MAGI2: variants seen among roughly 807,000 people sequenced by gnomAD.
The protein encoded by MAGI2 is membrane associated guanylate kinase, WW and PDZ domain containing 2.
In MAGI2, 35 loss-of-function variants were observed where a neutral mutation model predicts 133.3. The ratio of observed to expected loss-of-function variants is 0.26; its 90% CI spans 0.20 to 0.35. The LOEUF (loss-of-function observed/expected upper bound fraction) is 0.35, where lower values mean the gene tolerates loss of function less well. MAGI2 is among the 10% of genes least tolerant of loss of function. The pLI is 1.00. For synonymous variants in MAGI2, 729 were observed against 710.6 expected, an observed-to-expected ratio of 1.03 and a Z score of -0.41; for missense variants, 1,636 against 1,863.4, an observed-to-expected ratio of 0.88 and a Z score of 2.25.
intron 1 of MAGI2, among the ~76,000 whole-genome samples, chr7:79,171,760 A>ATTTTT (rs1221031678): frequency 6.2e-5 from 2 of 32,284 alleles, no homozygotes; most frequent in African/African-American, 1.5e-4. Context: ...ATATATATAT[A>ATTTTT]TATATATATA....
At chr7:78,559,136 CAAAAAAAAAAAAAAAA>C (rs71085541) in intron 3 of MAGI2, among the ~76,000 whole-genome samples, 31 of 54,748 alleles carry the variant, frequency 5.7e-4, no homozygotes, top group African/African-American at 2.2e-3. Context: ...TCTGAATTTC[CAAAAAAAAAAAAAAAA>C]AAAAAAAAAA....
At chr7:78,716,367 A>G (rs1252151847) in intron 2 of MAGI2, among the ~76,000 whole-genome samples, 2 of 152,212 alleles carry the variant, frequency 1.3e-5, no homozygotes, top group Non-Finnish European at 2.9e-5. Flanking sequence ...TCAGGAAAAT[A>G]TCTTGATAAG....
intron 2 of MAGI2, among the ~76,000 whole-genome samples, chr7:78,700,833 C>T (rs1817991095): frequency 6.6e-6 from 1 of 151,750 alleles, no homozygotes. Context: ...TGTATAGATT[C>T]AACTTCTCTT....
intron 1 of MAGI2, among the ~76,000 whole-genome samples, chr7:79,318,771 A>G (rs1244350528): frequency 1.3e-5 from 2 of 152,252 alleles, no homozygotes; most frequent in African/African-American, 4.8e-5. Context: ...ATAATTAAAC[A>G]AATTTGCTGT....
chr7:78,814,530 T>G (rs571058142), intron 2 of MAGI2, among the ~76,000 whole-genome samples: 1 of 152,202 alleles, frequency 6.6e-6, no homozygotes, highest in Admixed American at 6.5e-5. Flanking sequence ...AAAGGTGAAC[T>G]GAGTAAATTT....
chr7:78,348,532 A>C (rs1791160250), intron 7 of MAGI2: 2 of 152,084 alleles, frequency 1.3e-5, no homozygotes, highest in Admixed American at 1.3e-4. Flanking sequence ...CACTCCTCCC[A>C]GCCACATTCC....
intron 1 of MAGI2, among the ~76,000 whole-genome samples, chr7:79,399,113 G>A (rs893826331): frequency 1.7e-4 from 15 of 89,702 alleles, no homozygotes; most frequent in Admixed American, 9.8e-4. Context: ...TTTTTTTTGG[G>A]AGATGGAGCC....
intron 1 of MAGI2, among the ~76,000 whole-genome samples, chr7:79,336,912 T>A (rs148743492): frequency 6.6e-6 from 1 of 151,506 alleles, no homozygotes; most frequent in Non-Finnish European, 1.5e-5. Context: ...AATCTAGAGA[T>A]CTAACACACA....
At chr7:78,408,171 T>C (rs1440359451) in intron 6 of MAGI2, among the ~76,000 whole-genome samples, 3 of 152,032 alleles carry the variant, frequency 2.0e-5, no homozygotes, top group Non-Finnish European at 4.4e-5. Context: ...AAACAGTATA[T>C]ATTTATCATG....
rs149659067 is a variant in MAGI2 at position 78,464,135 on chromosome 7, A to C, written c.1045+25626T>G. 3.9e-3 allele frequency among the ~76,000 whole-genome samples: 596 copies of C among 152,268 alleles called. 5 individuals carry two copies. Among genetic ancestry groups the C allele is most frequent in the African/African-American group, 0.013 (545 of 41,568 alleles). ...TGCTATCTTTAGCATCATCATCCTC[A>C]CCACCACCATCATTATCCTCGGAGC... On this transcript the variant is annotated intron_variant, in intron 6 of 21. Transcript: ENST00000354212.
intron 2 of MAGI2, among the ~76,000 whole-genome samples, chr7:78,647,528 C>T (rs567561467): frequency 6.6e-5 from 10 of 152,292 alleles, no homozygotes; most frequent in South Asian, 2.1e-4. Flanking sequence ...GAAATAGGAA[C>T]GCTTTTACAC....
intron 8 of MAGI2, 93 bp from the exon 9 acceptor site, chr7:78,344,053 C>A: frequency 8.5e-7 from 1 of 1,172,056 alleles, no homozygotes; most frequent in Admixed American, 2.5e-5. Context: ...GCGACAATCC[C>A]AGGGGTAAAT....
chr7:78,422,329 G>A (rs1162570699), intron 6 of MAGI2, among the ~76,000 whole-genome samples: 1 of 152,068 alleles, frequency 6.6e-6, no homozygotes, highest in Non-Finnish European at 1.5e-5. Context: ...ATACTGTATT[G>A]TACACTTAAA....
intron 1 of MAGI2, among the ~76,000 whole-genome samples, chr7:79,240,717 T>C (rs538453840): frequency 5.9e-5 from 9 of 152,328 alleles, no homozygotes; most frequent in Admixed American, 5.9e-4. Context: ...TGCATATACT[T>C]GAAGGACATT....
chr7:78,132,339 A>G (rs79466124), intron 18 of MAGI2, among the ~76,000 whole-genome samples: 3,028 of 152,350 alleles, frequency 0.02, 112 homozygotes, highest in African/African-American at 0.069. Flanking sequence ...TCTGCAGGGC[A>G]GACCGAGAGG....
chr7:79,237,071 C>A (rs974991877), intron 1 of MAGI2, among the ~76,000 whole-genome samples: 1 of 152,098 alleles, frequency 6.6e-6, no homozygotes, highest in Admixed American at 6.6e-5. Flanking sequence ...CTTGAATAGA[C>A]AGCTCTCAGT....
At chr7:79,032,684 T>C (rs944320412) in intron 1 of MAGI2, among the ~76,000 whole-genome samples, 3 of 151,974 alleles carry the variant, frequency 2.0e-5, no homozygotes, top group African/African-American at 7.3e-5. Flanking sequence ...GGGAATCTAT[T>C]ATTAAAATTA....
intron 2 of MAGI2, among the ~76,000 whole-genome samples, chr7:78,961,705 G>T (rs1317203116): frequency 6.6e-6 from 1 of 152,064 alleles, no homozygotes; most frequent in African/African-American, 2.4e-5. Context: ...CTAGTTTGGT[G>T]TTTAGAGCTA....
In MAGI2 at chr7:78,178,226, T is replaced by G. The variant is rs1197307759; in HGVS notation, c.2312-124A>C. 13 of 622,378 alleles carry G rather than the reference T, an allele frequency of 2.1e-5. No homozygotes were observed. In the Middle Eastern group the frequency reaches 1.4e-3, roughly 66 times the overall value. The allele number at this position is 622,378 out of a possible 1,614,324, so 38.6% of individuals were successfully genotyped here. A position where few individuals can be genotyped will look rare whatever the true frequency, so the allele number is the denominator to read the frequency against. ...TTAATGAGAGTGCTGTTAGGGTCAA[T>G]GGAAACCATAGAGGATACAAAAAAT... is the stretch of plus-strand genomic sequence containing the variant. On this transcript the variant is annotated intron_variant, in intron 13 of 21. Transcript: ENST00000354212.
Sources: gnomAD v4.1 joint callset for allele counts (sites outside exome capture counted in the v4.1 genomes callset) on GRCh38, gnomAD v4.1.1 for gene constraint, MANE v1.5 for transcripts, NCBI Gene and HGNC (gene_info 2026-07-23, HGNC 2026-07-21) for gene names.